Variants in CTNND2 observed in about 807,000 individuals in gnomAD.
The protein encoded by CTNND2 is catenin delta-2.
A neutral mutation model predicts 144.4 loss-of-function variants in CTNND2; 22 were observed. That is an observed-to-expected ratio of 0.15 (90% confidence interval 0.11 to 0.22). The LOEUF (loss-of-function observed/expected upper bound fraction) is 0.22. Ranked by LOEUF, CTNND2 falls within the 10% of genes least tolerant of loss-of-function variation. CTNND2 has a pLI of 1.00. For synonymous variants in CTNND2, 751 were observed against 695.6 expected, an observed-to-expected ratio of 1.08 and a Z score of -1.25; for missense variants, 1,353 against 1,618.8, an observed-to-expected ratio of 0.84 and a Z score of 2.82.
At chr5:11,652,678 A>G (rs1007775313) in intron 2 of CTNND2, among the ~76,000 whole-genome samples, 3 of 152,232 alleles carry the variant, frequency 2.0e-5, no homozygotes, top group Non-Finnish European at 2.9e-5. Flanking sequence ...TGAAGTAATC[A>G]CCACAATTAA....
At chr5:11,216,227 C>A (rs377673927) in intron 10 of CTNND2, among the ~76,000 whole-genome samples, 15 of 152,300 alleles carry the variant, frequency 9.8e-5, no homozygotes, top group African/African-American at 3.6e-4. Context: ...AATGCCCCCC[C>A]ACCGCCACCC....
chr5:11,892,890 T>C (rs920420071), intron 1 of CTNND2, among the ~76,000 whole-genome samples: 1 of 152,152 alleles, frequency 6.6e-6, no homozygotes, highest in African/African-American at 2.4e-5. Context: ...ATTCTTATCC[T>C]CCCTTTCAAG....
rs139869088 is a variant in CTNND2, at chr5:11,691,851, G to A, written c.174+40285C>T. On this transcript the variant is annotated intron_variant, in intron 2 of 21. Coordinates refer to ENST00000304623, the MANE Select transcript of CTNND2 (RefSeq NM_001332.4). The stretch of plus-strand genomic sequence containing the variant: ...GGCTGCAGTAAGCTATGATTGCACC[G>A]CTGCACTTCAGTCTAAGGCAAAGTG... Among the ~76,000 whole-genome samples, 291 of 152,294 alleles carry A rather than the reference G, an allele frequency of 1.9e-3. 2 individuals are homozygous for A. Among genetic ancestry groups the A allele is most frequent in the South Asian group, 9.9e-3 (48 of 4,830 alleles).
At chr5:11,077,720 G>T (rs562336814) in intron 16 of CTNND2, among the ~76,000 whole-genome samples, 1 of 152,294 alleles carries the variant, frequency 6.6e-6, no homozygotes, top group South Asian at 2.1e-4. Context: ...AGCACAGGGA[G>T]ACTAGGTAAG....
At chr5:11,086,918 T>C (rs1205076975) in intron 15 of CTNND2, among the ~76,000 whole-genome samples, 6 of 152,230 alleles carry the variant, frequency 3.9e-5, no homozygotes, top group Non-Finnish European at 5.9e-5. Context: ...ATTTGCTAAA[T>C]TACAATGACA....
At chr5:11,477,868 C>A (rs1188233973) in intron 3 of CTNND2, among the ~76,000 whole-genome samples, 1 of 152,098 alleles carries the variant, frequency 6.6e-6, no homozygotes, top group Non-Finnish European at 1.5e-5. Context: ...TTATGAATAG[C>A]GGACCAATGG....
intron 1 of CTNND2, among the ~76,000 whole-genome samples, chr5:11,755,641 C>CTTT (rs377766540): frequency 0.74 from 103,186 of 140,130 alleles, 39,861 homozygotes; most frequent in Middle Eastern, 0.91. Context: ...GTTCATTCTT[C>CTTT]TTTTTTTTTT....
At chr5:11,305,961 G>A (rs1270332117) in intron 9 of CTNND2, among the ~76,000 whole-genome samples, 1 of 152,216 alleles carries the variant, frequency 6.6e-6, no homozygotes, top group East Asian at 1.9e-4. Context: ...CTTACCATAT[G>A]CAAGAGAAAC....
chr5:11,548,924 T>C (rs1298220244), intron 3 of CTNND2, among the ~76,000 whole-genome samples: 1 of 152,252 alleles, frequency 6.6e-6, no homozygotes, highest in African/African-American at 2.4e-5. Context: ...GGAATGCTAG[T>C]TCATTAGCCA....
chr5:11,422,929 C>T (rs1053019671), intron 3 of CTNND2, among the ~76,000 whole-genome samples: 3 of 152,186 alleles, frequency 2.0e-5, no homozygotes, highest in Non-Finnish European at 2.9e-5. Flanking sequence ...GTAGCTCCTT[C>T]TATAGTATTC....
chr5:11,243,534 C>G (rs1017010888), intron 9 of CTNND2, among the ~76,000 whole-genome samples: 3 of 152,214 alleles, frequency 2.0e-5, no homozygotes, highest in Non-Finnish European at 4.4e-5. Context: ...CAATTTCCCA[C>G]AGTAGCCAAA....
chr5:11,253,894 G>A (rs749238331), intron 9 of CTNND2, among the ~76,000 whole-genome samples: 1 of 152,064 alleles, frequency 6.6e-6, no homozygotes, highest in East Asian at 1.9e-4. Context: ...CTTTAAATAA[G>A]GTCTGATACA....
At chr5:11,706,943 T>G (rs948642144) in intron 2 of CTNND2, among the ~76,000 whole-genome samples, 1 of 151,810 alleles carries the variant, frequency 6.6e-6, no homozygotes, top group Non-Finnish European at 1.5e-5. Flanking sequence ...AAAATTAGCC[T>G]GGCGTTGTGG....
intron 16 of CTNND2, among the ~76,000 whole-genome samples, chr5:11,044,457 G>A (rs930080631): frequency 3.3e-5 from 5 of 151,214 alleles, no homozygotes; most frequent in African/African-American, 1.2e-4. Context: ...TATTTTCTAT[G>A]TACATTTCAT....
At chr5:11,497,412 G>A (rs1471438623) in intron 3 of CTNND2, among the ~76,000 whole-genome samples, 2 of 150,186 alleles carry the variant, frequency 1.3e-5, no homozygotes, top group African/African-American at 4.9e-5. Context: ...CACAGAGGGG[G>A]CTATGTTAGA....
At chr5:11,482,183 T>A (rs1768340208) in intron 3 of CTNND2, among the ~76,000 whole-genome samples, 1 of 152,152 alleles carries the variant, frequency 6.6e-6, no homozygotes. Context: ...TTTTGCAGTT[T>A]CCCAGGGTCC....
At chr5:11,470,454 A>G (rs1767084686) in intron 3 of CTNND2, among the ~76,000 whole-genome samples, 2 of 152,238 alleles carry the variant, frequency 1.3e-5, no homozygotes, top group East Asian at 3.9e-4. Flanking sequence ...AAAATTGAGA[A>G]GATAGTACAG....
rs183047498 is a variant in CTNND2 at position 11,332,361 on chromosome 5, C to T, written c.1628+14011G>A. Among the ~76,000 whole-genome samples, 82 of 152,044 alleles carry T rather than the reference C, an allele frequency of 5.4e-4. No individual in the cohort carries two copies. The Middle Eastern group carries it at 0.01, about 19-fold the overall frequency. On this transcript the variant is annotated intron_variant, in intron 9 of 21. Coordinates refer to ENST00000304623, the MANE Select transcript of CTNND2 (RefSeq NM_001332.4). ...TTGAAAGGATCAGGATCCATGAGGC[C>T]TGGGTGCTGCCTCCCTGGGGATTCA...
intron 7 of CTNND2, among the ~76,000 whole-genome samples, chr5:11,380,707 C>G (rs11740338): frequency 2.6e-5 from 4 of 152,126 alleles, no homozygotes; most frequent in African/African-American, 9.7e-5. Flanking sequence ...AGAACTCTGA[C>G]GTTTGTGGTC....
Sources: allele counts gnomAD v4.1 joint callset (sites outside exome capture counted in the v4.1 genomes callset), GRCh38; gene constraint gnomAD v4.1.1; transcripts MANE v1.5; gene names NCBI Gene and HGNC (gene_info 2026-07-23, HGNC 2026-07-21).